TGFBR3: variants seen among roughly 807,000 people sequenced by gnomAD.
TGFBR3 encodes the protein transforming growth factor beta receptor type 3.
Under a neutral mutation model 87.9 loss-of-function variants are expected in TGFBR3, and 46 were observed. The observed-to-expected ratio is 0.52, with a 90% CI of 0.41 to 0.67. The LOEUF is 0.67. Ranked by LOEUF, TGFBR3 falls within the 30% of genes least tolerant of loss-of-function variation. TGFBR3 has a pLI of 0.00. For synonymous variants in TGFBR3, 381 were observed against 391.6 expected, an observed-to-expected ratio of 0.97 and a Z score of 0.32; for missense variants, 866 against 1,041.9, an observed-to-expected ratio of 0.83 and a Z score of 2.32.
At chr1:91,866,387 A>C (rs2101219324) in intron 1 of TGFBR3, among the ~76,000 whole-genome samples, 1 of 152,320 alleles carries the variant, frequency 6.6e-6, no homozygotes, top group Admixed American at 6.5e-5. Context: ...TGAGAGAAAA[A>C]GTCCTAGATT....
rs1670943663 is a variant in TGFBR3 at position 91,682,465 on chromosome 1, G to A, written c.*1274C>T. 2.3e-6 allele frequency: 1 copy of A among 443,390 alleles called. No homozygotes were observed. The highest frequency in any genetic ancestry group is 2.4e-5 in the Admixed American group (1 of 41,026). The allele number at this position is 443,390 out of a possible 1,614,324, so 27.5% of individuals were successfully genotyped here. ...ACTGAGCTTATTTTAGCTGCAAAGTGGCATCATATTATTCCATTTAATGAA... is the reference window on the plus strand; with the variant it reads ...ACTGAGCTTATTTTAGCTGCAAAGTAGCATCATATTATTCCATTTAATGAA... On this transcript the variant is annotated 3_prime_UTR_variant, in exon 17 of 17. Coordinates refer to ENST00000212355, the MANE Select transcript of TGFBR3 (RefSeq NM_003243.5).
At chr1:91,711,516 T>C (rs1409564273) in intron 13 of TGFBR3, among the ~76,000 whole-genome samples, 3 of 152,182 alleles carry the variant, frequency 2.0e-5, no homozygotes, top group Admixed American at 2.0e-4. Flanking sequence ...TGGAAATCAG[T>C]TTACTCTGTG....
At chr1:91,839,445 C>T (rs566101003) in intron 2 of TGFBR3, among the ~76,000 whole-genome samples, 4 of 152,262 alleles carry the variant, frequency 2.6e-5, no homozygotes, top group South Asian at 2.1e-4. Context: ...CAAAATACTG[C>T]GTAATTTCAA....
chr1:91,817,111 A>C (rs201402459), intron 2 of TGFBR3, among the ~76,000 whole-genome samples: 2 of 152,164 alleles, frequency 1.3e-5, no homozygotes, highest in East Asian at 1.9e-4. Flanking sequence ...AAGAACAATA[A>C]CTTGAAACTC....
chr1:91,708,361 T>C (rs1671865710), intron 14 of TGFBR3, among the ~76,000 whole-genome samples: 1 of 152,142 alleles, frequency 6.6e-6, no homozygotes, highest in Non-Finnish European at 1.5e-5. Context: ...AGAACCCTTT[T>C]TTGCATACTC....
At chr1:91,703,030 A>G (rs1200316720) in intron 14 of TGFBR3, among the ~76,000 whole-genome samples, 1 of 152,090 alleles carries the variant, frequency 6.6e-6, no homozygotes, top group African/African-American at 2.4e-5. Context: ...GGGTGACAGA[A>G]TGAAACTCCT....
At chr1:91,719,581 T>A (rs1557674982) in intron 9 of TGFBR3, 117 bp from the exon 10 acceptor site, 1 of 1,293,984 alleles carries the variant, frequency 7.7e-7, no homozygotes, top group Non-Finnish European at 1.1e-6. Flanking sequence ...GCCTGCATCG[T>A]GCCCCTTCCC....
chr1:91,720,154 A>G lies in TGFBR3; in HGVS notation c.1152T>C (p.Pro384=), dbSNP rs2100782774. Residue 384 remains proline, a synonymous_variant, in exon 9 of 17, where the codon CCT becomes CCC. Coordinates refer to ENST00000212355, the MANE Select transcript of TGFBR3 (RefSeq NM_003243.5). The stretch of plus-strand genomic sequence containing the variant: ...CCCGGATGGGCGGGTTCTGCAGGGC[A>G]GGCAGGGCACCAGGGTCCAGCAGGA... ...LRILLDPGAL[P]ALQNPPIRGG... 6.2e-7 allele frequency: 1 copy of G among 1,613,872 alleles called. No individual in the cohort carries two copies. The highest frequency in any genetic ancestry group is 1.1e-5 in the South Asian group (1 of 91,058).
chr1:91,725,048 G>A (rs1457086232), intron 7 of TGFBR3, among the ~76,000 whole-genome samples: 2 of 152,098 alleles, frequency 1.3e-5, no homozygotes, highest in Admixed American at 1.3e-4. Context: ...ATTTTTTTAT[G>A]TTTTAGAGGT....
chr1:91,693,028 C>G (rs1671318780), intron 16 of TGFBR3, among the ~76,000 whole-genome samples: 1 of 152,168 alleles, frequency 6.6e-6, no homozygotes, highest in South Asian at 2.1e-4. Flanking sequence ...TATTTGTATC[C>G]TGGCTCTCCC....
At chr1:91,830,848 T>G (rs1246497108) in intron 2 of TGFBR3, among the ~76,000 whole-genome samples, 1 of 151,850 alleles carries the variant, frequency 6.6e-6, no homozygotes, top group Non-Finnish European at 1.5e-5. Flanking sequence ...GAGTGTGGAG[T>G]TGGGCCAGTG....
Position 91,695,731 on chromosome 1 carries a change from G to A in TGFBR3, c.2378C>T (p.Ala793Val). 1 of 1,614,174 alleles carries A rather than the reference G, an allele frequency of 6.2e-7. No individual in the cohort carries two copies. Among genetic ancestry groups the A allele is most frequent in the South Asian group, 1.1e-5 (1 of 91,082 alleles). The change falls in exon 16 of 17, where the codon GCA (alanine) becomes GTA (valine). Residue 793 changes from alanine to valine, a missense_variant. Ala to Val is a moderately conservative substitution (Grantham distance 64). Coordinates refer to ENST00000212355, the MANE Select transcript of TGFBR3 (RefSeq NM_003243.5). ...CAGGAGTGCTCCGATCACAAAGGCT[G>A]CAAACGCAATGCCCATCACGGTTAG... ...DTLTVMGIAF[A>V]AFVIGALLTG...
intron 3 of TGFBR3, among the ~76,000 whole-genome samples, chr1:91,767,950 T>A (rs1674237068): frequency 6.6e-6 from 1 of 151,482 alleles, no homozygotes; most frequent in African/African-American, 2.4e-5. Flanking sequence ...CAGTGACTCA[T>A]GCCTGTAATC....
chr1:91,846,898 A>C (rs1461772810), intron 2 of TGFBR3, among the ~76,000 whole-genome samples: 1 of 152,102 alleles, frequency 6.6e-6, no homozygotes, highest in Non-Finnish European at 1.5e-5. Context: ...CAACATAAAC[A>C]CATTTTTGGG....
intron 1 of TGFBR3, among the ~76,000 whole-genome samples, chr1:91,877,408 G>GCCTC (rs1678848039): frequency 6.6e-6 from 1 of 152,046 alleles, no homozygotes; most frequent in South Asian, 2.1e-4. Flanking sequence ...ACTCACTGCA[G>GCCTC]CCTCGACCTC....
At chr1:91,774,599 G>A (rs921105391) in intron 3 of TGFBR3, among the ~76,000 whole-genome samples, 2 of 152,072 alleles carry the variant, frequency 1.3e-5, no homozygotes, top group Admixed American at 1.3e-4. Flanking sequence ...CGTTTTGATG[G>A]GATAAATCCT....
chr1:91,803,460 C>G (rs1205408383), intron 2 of TGFBR3, among the ~76,000 whole-genome samples: 1 of 151,902 alleles, frequency 6.6e-6, no homozygotes, highest in Non-Finnish European at 1.5e-5. Context: ...ACAGAAGCAG[C>G]ATGCTGAGGA....
At chr1:91,891,837 T>A (rs115346160) in intron 2 of TGFBR3, among the ~76,000 whole-genome samples, 13 of 152,236 alleles carry the variant, frequency 8.5e-5, no homozygotes, top group African/African-American at 3.1e-4. Context: ...TTCATACTCG[T>A]TGGTGTTTTA....
At chr1:91,797,204 G>A in intron 3 of TGFBR3, 83 bp downstream of exon 3, 1 of 1,454,040 alleles carries the variant, frequency 6.9e-7, no homozygotes, top group Non-Finnish European at 9.6e-7. Flanking sequence ...TTGAACCCCA[G>A]AAGAGAAGAA....
Sources: gnomAD v4.1 joint callset for allele counts (sites outside exome capture counted in the v4.1 genomes callset) on GRCh38, gnomAD v4.1.1 for gene constraint, MANE v1.5 for transcripts, NCBI Gene and HGNC (gene_info 2026-07-23, HGNC 2026-07-21) for gene names.